Variants in KAZN observed in about 807,000 individuals in gnomAD.
KAZN encodes kazrin.
A neutral mutation model predicts 87.4 loss-of-function variants in KAZN; 40 were observed. The ratio of observed to expected loss-of-function variants is 0.46; its 90% CI spans 0.36 to 0.60. KAZN has a LOEUF of 0.60. Among genes scored for constraint, KAZN ranks in the 20% least tolerant of loss-of-function variants. The pLI is 0.00. For synonymous variants in KAZN, 466 were observed against 458.3 expected (o/e 1.02, Z -0.22); for missense variants, 898 against 1,073.9 (o/e 0.84, Z 2.29).
intron 1 of KAZN, among the ~76,000 whole-genome samples, chr1:14,079,680 A>C (rs565023402): frequency 6.6e-6 from 1 of 152,220 alleles, no homozygotes; most frequent in Non-Finnish European, 1.5e-5. Context: ...AAAGCAAACT[A>C]TTTCGTGGGA....
chr1:14,485,268 T>C (rs1265279912), intron 2 of KAZN, among the ~76,000 whole-genome samples: 3 of 152,226 alleles, frequency 2.0e-5, no homozygotes, highest in Admixed American at 2.0e-4. Context: ...AATTCTCACA[T>C]TCCACTCTTT....
intron 1 of KAZN, among the ~76,000 whole-genome samples, chr1:14,618,280 G>A (rs540245833): frequency 7.9e-5 from 12 of 152,298 alleles, no homozygotes; most frequent in African/African-American, 1.7e-4. Flanking sequence ...GTTCTAGACC[G>A]TCTTCTGCCT....
chr1:14,995,538 G>A (rs535228499), intron 2 of KAZN, among the ~76,000 whole-genome samples: 174 of 151,352 alleles, frequency 1.1e-3, no homozygotes, highest in African/African-American at 3.6e-3. Context: ...CAGGAGAATC[G>A]TTTGAAACCC....
At chr1:14,947,331 T>C (rs1661937448) in intron 1 of KAZN, among the ~76,000 whole-genome samples, 1 of 152,160 alleles carries the variant, frequency 6.6e-6, no homozygotes, top group African/African-American at 2.4e-5. Flanking sequence ...ACAGTGAGGA[T>C]GTGGAGGGAA....
At chr1:14,847,399 C>A (rs148694649) in intron 1 of KAZN, among the ~76,000 whole-genome samples, 2 of 152,328 alleles carry the variant, frequency 1.3e-5, no homozygotes, top group African/African-American at 2.4e-5. Flanking sequence ...AGTCTCAAAG[C>A]AGCCATCTTC....
chr1:14,615,907 A>G (rs1283862646), intron 1 of KAZN, among the ~76,000 whole-genome samples: 1 of 152,212 alleles, frequency 6.6e-6, no homozygotes, highest in African/African-American at 2.4e-5. Flanking sequence ...TTCCACCTTA[A>G]AAAATTTCTT....
At chr1:15,016,538 G>A (rs1670124141) in intron 2 of KAZN, among the ~76,000 whole-genome samples, 1 of 151,842 alleles carries the variant, frequency 6.6e-6, no homozygotes, top group Admixed American at 6.6e-5. Context: ...CACCCACCTC[G>A]GCCTCCCAAA....
chr1:14,906,350 G>A (rs1656584751), intron 1 of KAZN, among the ~76,000 whole-genome samples: 1 of 151,862 alleles, frequency 6.6e-6, no homozygotes, highest in Non-Finnish European at 1.5e-5. Flanking sequence ...GCCTGAACAG[G>A]GTGACCTTTC....
rs1425943787 is a variant in KAZN, at chr1:14,820,491, A to G, written c.227-140193A>G. Among the ~76,000 whole-genome samples, 2 of 152,224 alleles carry G rather than the reference A, an allele frequency of 1.3e-5. No individual in the cohort carries two copies. The highest frequency in any genetic ancestry group is 2.4e-5 in the African/African-American group (1 of 41,454). ...CAGTTGGGTTTATTCTCACAGCTGC[A>G]AACCCACGTGCTGGGCTGCACAGCT... On this transcript the variant is annotated intron_variant, in intron 1 of 14. Coordinates refer to ENST00000376030, the MANE Select transcript of KAZN (RefSeq NM_201628.3). The surrounding 1 kb of genome is among the most constrained non-coding windows in gnomAD (Gnocchi z 4.1).
chr1:15,038,493 A>T (rs1672560722), intron 3 of KAZN, among the ~76,000 whole-genome samples: 1 of 152,218 alleles, frequency 6.6e-6, no homozygotes, highest in African/African-American at 2.4e-5. Context: ...TTTGTTGTGC[A>T]TCTGCTGTAT....
intron 2 of KAZN, among the ~76,000 whole-genome samples, chr1:14,972,509 C>G (rs1408725401): frequency 1.3e-5 from 2 of 150,768 alleles, no homozygotes; most frequent in African/African-American, 4.9e-5. Context: ...TGACCTCAGA[C>G]TGGGAACTTT....
At chr1:14,483,241 A>G (rs1669177276) in intron 2 of KAZN, among the ~76,000 whole-genome samples, 1 of 152,154 alleles carries the variant, frequency 6.6e-6, no homozygotes. Context: ...CAAAATAAGA[A>G]CGCTAAAGCT....
At chr1:13,936,466 C>T (rs955739906) in intron 1 of KAZN, among the ~76,000 whole-genome samples, 1 of 152,034 alleles carries the variant, frequency 6.6e-6, no homozygotes, top group Non-Finnish European at 1.5e-5. Flanking sequence ...TTAATGTATC[C>T]ATCACTTGAA....
chr1:14,545,000 G>A (rs11580401), intron 2 of KAZN, among the ~76,000 whole-genome samples: 146,453 of 152,232 alleles, frequency 0.96, 70,711 homozygotes, highest in East Asian at 1. Flanking sequence ...TCCCACACTC[G>A]GGTGTATGCA....
At chr1:14,480,932 A>C (rs1386123415) in intron 2 of KAZN, among the ~76,000 whole-genome samples, 1 of 148,244 alleles carries the variant, frequency 6.7e-6, no homozygotes, top group Non-Finnish European at 1.5e-5. Context: ...ATATTAATAG[A>C]ATATACATTT....
At chr1:14,957,502 T>C (rs1267238797) in intron 1 of KAZN, among the ~76,000 whole-genome samples, 1 of 152,230 alleles carries the variant, frequency 6.6e-6, no homozygotes, top group Non-Finnish European at 1.5e-5. Flanking sequence ...GGCCCCGCTC[T>C]CGGATCCTGT....
At chr1:14,784,735 G>A (rs1023545474) in intron 1 of KAZN, among the ~76,000 whole-genome samples, 1 of 152,132 alleles carries the variant, frequency 6.6e-6, no homozygotes, top group Non-Finnish European at 1.5e-5. Context: ...CTCCGGCCTG[G>A]GCAACAGAGC....
chr1:14,118,906 C>T (rs774716367), intron 1 of KAZN, among the ~76,000 whole-genome samples: 2 of 152,112 alleles, frequency 1.3e-5, no homozygotes, highest in Non-Finnish European at 2.9e-5. Flanking sequence ...TAAAAGAATG[C>T]GACAGATTGG....
intron 1 of KAZN, among the ~76,000 whole-genome samples, chr1:13,899,158 G>C (rs781526331): frequency 9.2e-5 from 14 of 152,228 alleles, no homozygotes; most frequent in Non-Finnish European, 5.9e-5. Context: ...TCCAGAAAAA[G>C]ATTCGCCATG....
Sources: allele counts gnomAD v4.1 joint callset (sites outside exome capture counted in the v4.1 genomes callset), GRCh38; gene constraint gnomAD v4.1.1; non-coding constraint Gnocchi (gnomAD v3.1); transcripts MANE v1.5; gene names NCBI Gene and HGNC (gene_info 2026-07-23, HGNC 2026-07-21).